Variants in MMP16 observed in about 807,000 individuals in gnomAD.
MMP16 encodes matrix metallopeptidase 16, also known as matrix metalloproteinase-16.
A neutral mutation model predicts 67.8 loss-of-function variants in MMP16; 12 were observed. That is an observed-to-expected ratio of 0.18 (90% confidence interval 0.11 to 0.29). The LOEUF is 0.29. Ranked by LOEUF, MMP16 falls within the 10% of genes least tolerant of loss-of-function variation. MMP16 has a pLI of 1.00. For synonymous variants in MMP16, 249 were observed against 255.9 expected (o/e 0.97, Z 0.26); for missense variants, 475 against 765.7 (o/e 0.62, Z 4.48).
chr8:88,119,212 T>C (rs555117164), intron 4 of MMP16, among the ~76,000 whole-genome samples: 4 of 152,202 alleles, frequency 2.6e-5, no homozygotes, highest in South Asian at 4.1e-4. Context: ...TACTTTTATA[T>C]GTCTCACATT....
At chr8:88,165,121 T>C (rs908783985) in intron 4 of MMP16, among the ~76,000 whole-genome samples, 3 of 146,306 alleles carry the variant, frequency 2.1e-5, no homozygotes, top group African/African-American at 5.1e-5. Flanking sequence ...GGTAGGAGGA[T>C]TGCTTCAGCC....
chr8:88,066,773 T>A (rs964008468), intron 7 of MMP16, among the ~76,000 whole-genome samples: 2 of 152,078 alleles, frequency 1.3e-5, no homozygotes, highest in Non-Finnish European at 2.9e-5. Context: ...GTATCTAAAA[T>A]ACTTGTCCAC....
chr8:88,160,821 GAC>G (rs1808606942), intron 4 of MMP16, among the ~76,000 whole-genome samples: 1 of 151,852 alleles, frequency 6.6e-6, no homozygotes, highest in Non-Finnish European at 1.5e-5. Flanking sequence ...CTGCTATAAA[GAC>G]ACATGCACAC....
chr8:88,147,661 T>TTTTTTTTTTTTTGAGACGGA (rs1563545446), intron 4 of MMP16, among the ~76,000 whole-genome samples: 2 of 152,104 alleles, frequency 1.3e-5, no homozygotes, highest in African/African-American at 4.8e-5. Context: ...ACTGTCTTCT[T>TTTTTTTTTTTTTGAGACGGA]GACTCTCCAG....
At chr8:88,074,540 G>A in intron 7 of MMP16, 65 bp downstream of exon 7, 1 of 1,440,188 alleles carries the variant, frequency 6.9e-7, no homozygotes. Context: ...ACTTTTGTGT[G>A]CACCACAGGG....
At chr8:88,209,374 TTTC>T (rs1809478442) in intron 1 of MMP16, among the ~76,000 whole-genome samples, 1 of 152,174 alleles carries the variant, frequency 6.6e-6, no homozygotes, top group Non-Finnish European at 1.5e-5. Flanking sequence ...TCCATATGAT[TTTC>T]TTAATAACAT....
At chr8:88,146,613 T>C (rs1808294239) in intron 4 of MMP16, among the ~76,000 whole-genome samples, 1 of 152,106 alleles carries the variant, frequency 6.6e-6, no homozygotes, top group Admixed American at 6.5e-5. Flanking sequence ...TAGTACTATA[T>C]TTCTGTGTAC....
At chr8:88,242,485 T>C (rs1810049304) in intron 1 of MMP16, among the ~76,000 whole-genome samples, 1 of 152,200 alleles carries the variant, frequency 6.6e-6, no homozygotes, top group East Asian at 1.9e-4. Context: ...TATGCTGCCC[T>C]GTGTGAACAC....
In MMP16 at chr8:88,197,325, T is replaced by C. The variant is rs745415336; in HGVS notation, c.133-19A>G. 6.6e-7 allele frequency: 1 copy of C among 1,526,674 alleles called. No individual in the cohort carries two copies. Among genetic ancestry groups the C allele is most frequent in the South Asian group, 1.3e-5 (1 of 78,350 alleles). The allele number at this position is 1,526,674 out of a possible 1,614,324, so 94.6% of individuals were successfully genotyped here. A position where few individuals can be genotyped will look rare whatever the true frequency, so the allele number is the denominator to read the frequency against. On this transcript the variant is annotated intron_variant, in intron 1 of 9. Transcript: ENST00000286614. ...ACCAAACCTGCAATAACAAGTACAGTTTCTTTTAGATCAATTTTACAATTT... is the reference window on the plus strand; with the variant it reads ...ACCAAACCTGCAATAACAAGTACAGCTTCTTTTAGATCAATTTTACAATTT...
intron 9 of MMP16, among the ~76,000 whole-genome samples, chr8:88,045,198 C>T (rs1470866483): frequency 1.3e-5 from 2 of 152,166 alleles, no homozygotes; most frequent in Non-Finnish European, 2.9e-5. Context: ...TTGTGGGACA[C>T]TATCACACAG....
intron 1 of MMP16, among the ~76,000 whole-genome samples, chr8:88,263,768 T>G (rs1014885057): frequency 6.6e-6 from 1 of 151,800 alleles, no homozygotes; most frequent in Non-Finnish European, 1.5e-5. Flanking sequence ...TCTATAAAGA[T>G]CCTATCTTCA....
intron 1 of MMP16, among the ~76,000 whole-genome samples, chr8:88,278,831 T>C (rs371915661): frequency 2.0e-5 from 3 of 152,144 alleles, no homozygotes; most frequent in East Asian, 1.9e-4. Flanking sequence ...TCTAGGGGCA[T>C]TGTACAATCC....
rs553682912 is a variant in MMP16, at chr8:88,087,683, C to T, written c.1084-12940G>A. ...TTGAGGCCCAGTGCAGTGGCTCACT[C>T]CTGTAATTCCAGCACTTTGGGAGGC... On this transcript the variant is annotated intron_variant, in intron 6 of 9. Coordinates refer to ENST00000286614, the MANE Select transcript of MMP16 (RefSeq NM_005941.5). 8.5e-4 allele frequency among the ~76,000 whole-genome samples: 129 copies of T among 151,814 alleles called. 1 individual carries two copies. Among genetic ancestry groups the T allele is most frequent in the African/African-American group, 2.9e-3 (119 of 41,236 alleles).
chr8:88,113,876 G>C (rs1809383808), intron 6 of MMP16, among the ~76,000 whole-genome samples: 1 of 151,956 alleles, frequency 6.6e-6, no homozygotes, highest in African/African-American at 2.4e-5. Context: ...CCTACAGTAT[G>C]AGTGCAATAA....
At chr8:88,295,558 C>CA (rs1810998841) in intron 1 of MMP16, among the ~76,000 whole-genome samples, 1 of 152,064 alleles carries the variant, frequency 6.6e-6, no homozygotes, top group South Asian at 2.1e-4. Context: ...ATCTTATACT[C>CA]AAAAAAGCAA....
chr8:88,074,893 C>T lies in MMP16; in HGVS notation c.1084-150G>A, dbSNP rs984116774. 3.7e-5 allele frequency: 38 copies of T among 1,019,460 alleles called. No individual in the cohort carries two copies. The highest frequency in any genetic ancestry group is 4.9e-5 in the Non-Finnish European group (35 of 712,198). 63.2% of individuals were successfully genotyped at this position (1,019,460 alleles called of 1,614,324 possible). A position where few individuals can be genotyped will look rare whatever the true frequency, so the allele number is the denominator to read the frequency against. ...CAGAGAAAGAGCTAAACAACTTGACCGCAATGATCACAAAAATTTTTGTAG... is the reference window on the plus strand; with the variant it reads ...CAGAGAAAGAGCTAAACAACTTGACTGCAATGATCACAAAAATTTTTGTAG... On this transcript the variant is annotated intron_variant, in intron 6 of 9. Transcript: ENST00000286614.
chr8:88,295,146 G>T, intron 1 of MMP16, among the ~76,000 whole-genome samples: 1 of 152,114 alleles, frequency 6.6e-6, no homozygotes, highest in East Asian at 1.9e-4. Flanking sequence ...ATGGCATAAA[G>T]GAAACAGTAA....
At chr8:88,163,183 C>G (rs1441752678) in intron 4 of MMP16, among the ~76,000 whole-genome samples, 1 of 152,036 alleles carries the variant, frequency 6.6e-6, no homozygotes, top group Non-Finnish European at 1.5e-5. Context: ...ATGTCAGTTA[C>G]AGAAAGCTAA....
chr8:88,161,029 C>A (rs1808611700), intron 4 of MMP16, among the ~76,000 whole-genome samples: 1 of 152,074 alleles, frequency 6.6e-6, no homozygotes, highest in Non-Finnish European at 1.5e-5. Context: ...GTGTCTCTGC[C>A]AGGCTTTGGT....
Sources: gnomAD v4.1 joint callset for allele counts (sites outside exome capture counted in the v4.1 genomes callset) on GRCh38, gnomAD v4.1.1 for gene constraint, MANE v1.5 for transcripts, NCBI Gene and HGNC (gene_info 2026-07-23, HGNC 2026-07-21) for gene names.